ADGRL2: variants seen among roughly 807,000 people sequenced by gnomAD.
The protein encoded by ADGRL2 is adhesion G protein-coupled receptor L2.
ADGRL2 carries 44 observed loss-of-function variants against 157.4 expected under a neutral mutation model. The ratio of observed to expected loss-of-function variants is 0.28; its 90% CI spans 0.22 to 0.36. The LOEUF (loss-of-function observed/expected upper bound fraction) is 0.36. Ranked by LOEUF, ADGRL2 falls within the 10% of genes least tolerant of loss-of-function variation. The pLI, the probability that ADGRL2 is intolerant of heterozygous loss-of-function variation, is 1.00. For synonymous variants in ADGRL2, 585 were observed against 624.7 expected (o/e 0.94, Z 0.95); for missense variants, 1,510 against 1,768.9 (o/e 0.85, Z 2.63).
intron 2 of ADGRL2, among the ~76,000 whole-genome samples, chr1:81,899,805 G>A (rs946132487): frequency 4.6e-5 from 7 of 152,038 alleles, no homozygotes; most frequent in Non-Finnish European, 1.0e-4. Context: ...TTTAATTTGA[G>A]GATTTCTTTA....
At chr1:81,365,530 T>TA (rs547755160) in intron 1 of ADGRL2, among the ~76,000 whole-genome samples, 2 of 152,098 alleles carry the variant, frequency 1.3e-5, no homozygotes, top group Non-Finnish European at 2.9e-5. Flanking sequence ...TATCAAGACT[T>TA]AAAAAAATAA....
intron 1 of ADGRL2, among the ~76,000 whole-genome samples, chr1:81,310,332 G>A (rs1659659961): frequency 6.6e-6 from 1 of 152,126 alleles, no homozygotes; most frequent in South Asian, 2.1e-4. Context: ...TCCTCCCAAT[G>A]TGAAAAGATG....
chr1:81,597,643 C>A (rs2081261188), intron 3 of ADGRL2, among the ~76,000 whole-genome samples: 1 of 152,128 alleles, frequency 6.6e-6, no homozygotes, highest in Admixed American at 6.5e-5. Context: ...GACAAAGATT[C>A]AAATGCAAAT....
intron 2 of ADGRL2, among the ~76,000 whole-genome samples, chr1:81,533,907 C>T (rs1352782203): frequency 3.3e-5 from 5 of 152,088 alleles, no homozygotes; most frequent in African/African-American, 1.2e-4. Flanking sequence ...TTGACGCCTT[C>T]CTAGCCTAAA....
intron 2 of ADGRL2, among the ~76,000 whole-genome samples, chr1:81,452,647 G>T (rs567544189): frequency 1.9e-4 from 29 of 152,110 alleles, no homozygotes; most frequent in Non-Finnish European, 3.7e-4. Context: ...TGAATCTCCT[G>T]CCTGTGAGAA....
At chr1:81,776,555 G>A (rs1286486146) in intron 2 of ADGRL2, among the ~76,000 whole-genome samples, 2 of 152,144 alleles carry the variant, frequency 1.3e-5, no homozygotes, top group Non-Finnish European at 2.9e-5. Context: ...AACAGATAAA[G>A]AAAACATTGC....
intron 1 of ADGRL2, among the ~76,000 whole-genome samples, chr1:81,402,985 T>C (rs907492832): frequency 6.6e-6 from 1 of 152,242 alleles, no homozygotes; most frequent in East Asian, 1.9e-4. Flanking sequence ...GCTTTCAGTA[T>C]AGTGGAGAAG....
At chr1:81,731,267 T>A (rs1161609140) in intron 1 of ADGRL2, among the ~76,000 whole-genome samples, 3 of 152,218 alleles carry the variant, frequency 2.0e-5, no homozygotes, top group Non-Finnish European at 4.4e-5. Context: ...CTATGTTACT[T>A]GAGTTCATTA....
intron 11 of ADGRL2, among the ~76,000 whole-genome samples, chr1:81,957,349 C>T (rs1364293979): frequency 1.3e-5 from 2 of 152,118 alleles, no homozygotes; most frequent in African/African-American, 4.8e-5. Context: ...ATATTCTGAA[C>T]AATTAAATGT....
At chr1:81,631,936 T>C (rs749461614) in intron 3 of ADGRL2, among the ~76,000 whole-genome samples, 1 of 152,198 alleles carries the variant, frequency 6.6e-6, no homozygotes, top group Non-Finnish European at 1.5e-5. Context: ...AAATCTGGGC[T>C]CTGACATTGT....
chr1:81,321,331 G>A (rs919162230), intron 1 of ADGRL2, among the ~76,000 whole-genome samples: 1 of 152,210 alleles, frequency 6.6e-6, no homozygotes, highest in Admixed American at 6.5e-5. Context: ...GCTCACAAGA[G>A]TAGCAGTTTT....
At chr1:81,635,248 G>A (rs549353738) in intron 3 of ADGRL2, among the ~76,000 whole-genome samples, 3 of 152,166 alleles carry the variant, frequency 2.0e-5, no homozygotes, top group Admixed American at 1.3e-4. Flanking sequence ...TTCCCCTCTG[G>A]TGCTTCCTGG....
At chr1:81,963,711 T>C (rs956253605) in intron 11 of ADGRL2, among the ~76,000 whole-genome samples, 63 of 151,732 alleles carry the variant, frequency 4.2e-4, no homozygotes, top group African/African-American at 1.5e-3. Context: ...TATATGCTTT[T>C]TTAACTTAAT....
intron 2 of ADGRL2, among the ~76,000 whole-genome samples, chr1:81,486,595 T>G (rs1436863588): frequency 6.6e-6 from 1 of 152,168 alleles, no homozygotes; most frequent in Non-Finnish European, 1.5e-5. Context: ...TTATTTAAAA[T>G]GAGTATTAAA....
chr1:81,742,650 C>T (rs766082784), intron 1 of ADGRL2, among the ~76,000 whole-genome samples: 2 of 151,872 alleles, frequency 1.3e-5, no homozygotes, highest in Non-Finnish European at 2.9e-5. Flanking sequence ...AGAAAAGAGA[C>T]ATTTTTCCTG....
At chr1:81,554,056 T>C (rs2080213937) in intron 2 of ADGRL2, among the ~76,000 whole-genome samples, 1 of 152,242 alleles carries the variant, frequency 6.6e-6, no homozygotes, top group Admixed American at 6.5e-5. Flanking sequence ...TGCCTTCTAA[T>C]AATAACCTCT....
chr1:81,732,174 G>A (rs1479131362), intron 1 of ADGRL2, among the ~76,000 whole-genome samples: 1 of 152,150 alleles, frequency 6.6e-6, no homozygotes, highest in Non-Finnish European at 1.5e-5. Flanking sequence ...ACAGAAGAAA[G>A]GAATGTTACC....
intron 2 of ADGRL2, among the ~76,000 whole-genome samples, chr1:81,558,357 G>A (rs1433940682): frequency 1.3e-5 from 2 of 152,146 alleles, no homozygotes; most frequent in East Asian, 3.9e-4. Context: ...TAGTTTATTT[G>A]TGATAATACT....
chr1:81,525,672 A>G (rs55791557), intron 2 of ADGRL2, among the ~76,000 whole-genome samples: 4,444 of 152,288 alleles, frequency 0.029, 85 homozygotes, highest in South Asian at 0.072. Context: ...CTCCATTTTC[A>G]GTGGTATCGT....
Sources: gnomAD v4.1 joint callset for allele counts (sites outside exome capture counted in the v4.1 genomes callset) on GRCh38, gnomAD v4.1.1 for gene constraint, MANE v1.5 for transcripts, NCBI Gene and HGNC (gene_info 2026-07-23, HGNC 2026-07-21) for gene names.